Variants in ASTN2 observed in about 807,000 individuals in gnomAD.
ASTN2 encodes the protein astrotactin 2, also known as astrotactin-2.
Under a neutral mutation model 139.8 loss-of-function variants are expected in ASTN2, and 54 were observed. The ratio of observed to expected loss-of-function variants is 0.39; its 90% CI spans 0.31 to 0.48. The LOEUF (loss-of-function observed/expected upper bound fraction) is 0.48, where lower values mean the gene tolerates loss of function less well. Among genes scored for constraint, ASTN2 ranks in the 20% least tolerant of loss-of-function variants. The pLI is 0.95. For missense variants in ASTN2, 1,565 were observed against 1,725.1 expected, an observed-to-expected ratio of 0.91 and a Z score of 1.64; for synonymous variants, 756 against 719.5, an observed-to-expected ratio of 1.05 and a Z score of -0.81.
chr9:116,803,163 A>C (rs923368476), intron 13 of ASTN2, among the ~76,000 whole-genome samples: 3 of 152,046 alleles, frequency 2.0e-5, no homozygotes, highest in Non-Finnish European at 4.4e-5. Flanking sequence ...TTTGTATTCC[A>C]AGCAACATTA....
chr9:116,633,364 C>T (rs985238356), intron 17 of ASTN2, among the ~76,000 whole-genome samples: 9 of 152,174 alleles, frequency 5.9e-5, no homozygotes, highest in Admixed American at 2.0e-4. Context: ...TCCTACAAGG[C>T]GTTGCTCCTG....
At chr9:116,644,920 T>C (rs957096216) in intron 17 of ASTN2, among the ~76,000 whole-genome samples, 2 of 152,158 alleles carry the variant, frequency 1.3e-5, no homozygotes, top group African/African-American at 4.8e-5. Context: ...TTTCTCATCA[T>C]ACAGATAAAG....
At chr9:116,572,729 G>A (rs562900128) in intron 19 of ASTN2, among the ~76,000 whole-genome samples, 1 of 152,230 alleles carries the variant, frequency 6.6e-6, no homozygotes, top group East Asian at 1.9e-4. Flanking sequence ...ATGACTTCAC[G>A]CTTTCCCTTG....
intron 6 of ASTN2, among the ~76,000 whole-genome samples, chr9:117,015,367 A>G (rs1020376839): frequency 6.6e-6 from 1 of 152,168 alleles, no homozygotes; most frequent in Non-Finnish European, 1.5e-5. Context: ...CATTTGCTCC[A>G]CTTAGTAACC....
intron 16 of ASTN2, among the ~76,000 whole-genome samples, chr9:116,694,459 C>CTT (rs56666915): frequency 8.0e-5 from 7 of 88,042 alleles, no homozygotes; most frequent in Admixed American, 1.6e-4. Context: ...TGTAATTTCT[C>CTT]TTTTTTTTTT....
chr9:117,024,680 C>T (rs761058637), intron 6 of ASTN2, among the ~76,000 whole-genome samples: 4 of 152,088 alleles, frequency 2.6e-5, no homozygotes, highest in Non-Finnish European at 5.9e-5. Flanking sequence ...TCAGAGAATG[C>T]TTCCTACAAA....
At chr9:116,452,497 C>G (rs1423115386) in intron 20 of ASTN2, among the ~76,000 whole-genome samples, 6 of 152,254 alleles carry the variant, frequency 3.9e-5, no homozygotes, top group East Asian at 1.9e-4. Flanking sequence ...TGTAAAAGTG[C>G]CTTAGAGATT....
chr9:116,533,927 G>A (rs961353316), intron 19 of ASTN2, among the ~76,000 whole-genome samples: 1 of 152,182 alleles, frequency 6.6e-6, no homozygotes, highest in Non-Finnish European at 1.5e-5. Context: ...AATAGTTTCA[G>A]AAGGAATGGC....
chr9:116,820,471 G>T, intron 12 of ASTN2, 146 bp downstream of exon 12: 4 of 1,051,732 alleles, frequency 3.8e-6, no homozygotes, highest in South Asian at 3.7e-5. Flanking sequence ...TTGGCTTTTG[G>T]CTCTTGGACT....
At chr9:116,891,699 T>A (rs1833765514) in intron 10 of ASTN2, among the ~76,000 whole-genome samples, 1 of 152,254 alleles carries the variant, frequency 6.6e-6, no homozygotes, top group Admixed American at 6.5e-5. Flanking sequence ...TGATTTCTGC[T>A]GAGTGATGGG....
intron 19 of ASTN2, among the ~76,000 whole-genome samples, chr9:116,572,399 C>T (rs748972372): frequency 2.0e-5 from 3 of 152,212 alleles, no homozygotes; most frequent in Non-Finnish European, 4.4e-5. Flanking sequence ...TTCCTCTTTC[C>T]CTTGCTGCTC....
chr9:116,595,816 C>G (rs1004770841), intron 19 of ASTN2, among the ~76,000 whole-genome samples: 5 of 152,162 alleles, frequency 3.3e-5, no homozygotes, highest in Admixed American at 2.0e-4. Flanking sequence ...CAAGAGAACT[C>G]TTATCACTGT....
At chr9:117,051,460 T>G (rs1057072854) in intron 5 of ASTN2, among the ~76,000 whole-genome samples, 1 of 152,176 alleles carries the variant, frequency 6.6e-6, no homozygotes, top group Admixed American at 6.5e-5. Context: ...AGTATTACTA[T>G]GTAGTCTCTC....
intron 7 of ASTN2, among the ~76,000 whole-genome samples, chr9:116,999,658 C>T (rs1837136579): frequency 7.1e-6 from 1 of 141,296 alleles, no homozygotes; most frequent in Non-Finnish European, 1.5e-5. Flanking sequence ...CTCTCAGGCT[C>T]AAGCAAATCT....
At chr9:116,823,014 G>A (rs1395703489) in intron 11 of ASTN2, among the ~76,000 whole-genome samples, 9 of 152,174 alleles carry the variant, frequency 5.9e-5, no homozygotes, top group South Asian at 2.1e-4. Flanking sequence ...GCCACAAACC[G>A]ATCGATGCTG....
rs763762134 is a variant in ASTN2, at chr9:116,425,623, A to G, written c.*228T>C. 1.9e-5 allele frequency: 30 copies of G among 1,612,628 alleles called. No homozygotes were observed. The South Asian group carries it at 3.2e-4, about 17-fold the overall frequency. On this transcript the variant is annotated 3_prime_UTR_variant, in exon 23 of 23. Coordinates refer to ENST00000313400, the MANE Select transcript of ASTN2 (RefSeq NM_001365068.1). ...GAGAGACTTTTGATAGAGTCAAATAATATCTTTGAAAAAATAAAAGATAGA... is the reference window on the plus strand; with the variant it reads ...GAGAGACTTTTGATAGAGTCAAATAGTATCTTTGAAAAAATAAAAGATAGA...
At chr9:116,575,591 C>CT (rs1378347437) in intron 19 of ASTN2, among the ~76,000 whole-genome samples, 4 of 152,156 alleles carry the variant, frequency 2.6e-5, no homozygotes, top group Non-Finnish European at 4.4e-5. Context: ...AATATAAGGT[C>CT]TTGGGGTCCT....
In ASTN2 at chr9:116,668,889, G is replaced by A. The variant is rs547423392; in HGVS notation, c.2807-17096C>T. Among the ~76,000 whole-genome samples the A allele has an allele frequency of 2.0e-4, 30 of 152,258 alleles. 1 individual carries two copies. Among genetic ancestry groups the A allele is most frequent in the African/African-American group, 6.3e-4 (26 of 41,554 alleles). On this transcript the variant is annotated intron_variant, in intron 16 of 22. Coordinates refer to ENST00000313400, the MANE Select transcript of ASTN2 (RefSeq NM_001365068.1). ...GGTCAGTGAAGACAGGGAGGTAGGA[G>A]GTGAGACTCAACCCCAGAGGCAGAG...
intron 10 of ASTN2, among the ~76,000 whole-genome samples, chr9:116,930,379 T>C (rs1027657697): frequency 3.3e-5 from 5 of 152,132 alleles, no homozygotes; most frequent in Non-Finnish European, 5.9e-5. Flanking sequence ...TGAATTTTCT[T>C]CCTTATGTAA....
Sources: allele counts gnomAD v4.1 joint callset (sites outside exome capture counted in the v4.1 genomes callset), GRCh38; gene constraint gnomAD v4.1.1; transcripts MANE v1.5; gene names NCBI Gene and HGNC (gene_info 2026-07-23, HGNC 2026-07-21).